NECAB1: variants seen among roughly 807,000 people sequenced by gnomAD.
NECAB1 encodes N-terminal EF-hand calcium-binding protein 1.
Under a neutral mutation model 57.5 loss-of-function variants are expected in NECAB1, and 29 were observed. The ratio of observed to expected loss-of-function variants is 0.50; its 90% CI spans 0.38 to 0.69. The LOEUF (loss-of-function observed/expected upper bound fraction) is 0.69, where lower values mean the gene tolerates loss of function less well. Ranked by LOEUF, NECAB1 falls within the 30% of genes least tolerant of loss-of-function variation. NECAB1 has a pLI of 0.00. For synonymous variants in NECAB1, 142 were observed against 147.7 expected (o/e 0.96, Z 0.28); for missense variants, 372 against 413.8 (o/e 0.90, Z 0.88).
At chr8:90,894,142 G>A (rs1027124156) in intron 5 of NECAB1, among the ~76,000 whole-genome samples, 2 of 152,048 alleles carry the variant, frequency 1.3e-5, no homozygotes, top group Non-Finnish European at 2.9e-5. Context: ...ATATAAAGTG[G>A]ACAAATAACA....
intron 3 of NECAB1, among the ~76,000 whole-genome samples, chr8:90,837,004 C>G (rs988318465): frequency 1.6e-4 from 25 of 152,220 alleles, no homozygotes; most frequent in African/African-American, 6.0e-4. Flanking sequence ...TTGTCTTTAA[C>G]TCAGGATCTT....
chr8:90,882,275 T>C (rs1808856865), intron 5 of NECAB1, among the ~76,000 whole-genome samples: 1 of 152,098 alleles, frequency 6.6e-6, no homozygotes, highest in African/African-American at 2.4e-5. Context: ...ATGTTGATAT[T>C]TGGAAAACAA....
At chr8:90,818,206 G>A (rs1238563593) in intron 2 of NECAB1, among the ~76,000 whole-genome samples, 1 of 151,684 alleles carries the variant, frequency 6.6e-6, no homozygotes, top group Non-Finnish European at 1.5e-5. Flanking sequence ...CTGATTAGAG[G>A]TTTATCAAGT....
chr8:90,860,875 T>A (rs532762333), intron 3 of NECAB1, among the ~76,000 whole-genome samples: 2 of 151,984 alleles, frequency 1.3e-5, no homozygotes, highest in African/African-American at 4.8e-5. Context: ...ATATTCCCCC[T>A]AGTTTTAGGG....
chr8:90,906,876 CATATATATATATATATATAT>C (rs57808023), intron 5 of NECAB1, among the ~76,000 whole-genome samples: 3 of 121,764 alleles, frequency 2.5e-5, no homozygotes, highest in East Asian at 4.3e-4. Flanking sequence ...ATGATATACA[CATATATATATATATATATAT>C]ATATATATAT....
At chr8:90,906,231 T>C (rs1341882410) in intron 5 of NECAB1, among the ~76,000 whole-genome samples, 7 of 152,142 alleles carry the variant, frequency 4.6e-5, no homozygotes, top group Non-Finnish European at 1.5e-5. Context: ...GTTTTGGGCT[T>C]CCCTGAATAT....
rs1811024773 is a variant in NECAB1 at position 90,956,008 on chromosome 8, G to A, written c.*496G>A. 1 of 152,282 alleles carries A rather than the reference G, an allele frequency of 6.6e-6. No individual in the cohort carries two copies. The highest frequency in any genetic ancestry group is 1.5e-5 in the Non-Finnish European group (1 of 68,170). 9.4% of individuals were successfully genotyped at this position (152,282 alleles called of 1,614,324 possible). A position where few individuals can be genotyped will look rare whatever the true frequency, so the allele number is the denominator to read the frequency against. On this transcript the variant is annotated 3_prime_UTR_variant, in exon 13 of 13. Transcript: ENST00000417640. ...TACTCCATCCCCAACCCAACTCACAGCCCTATGACTACTATCTTTGCATTA... is the reference window on the plus strand; with the variant it reads ...TACTCCATCCCCAACCCAACTCACAACCCTATGACTACTATCTTTGCATTA...
intron 10 of NECAB1, among the ~76,000 whole-genome samples, chr8:90,944,815 T>C (rs1000649652): frequency 6.6e-6 from 1 of 152,224 alleles, no homozygotes; most frequent in African/African-American, 2.4e-5. Context: ...CTAAGGAATA[T>C]GAATGTAGGA....
At chr8:90,938,386 C>CTT (rs1188363460) in intron 9 of NECAB1, among the ~76,000 whole-genome samples, 15 of 152,216 alleles carry the variant, frequency 9.9e-5, no homozygotes, top group African/African-American at 2.9e-4. Flanking sequence ...CTAACTATAT[C>CTT]TTGGGATCCC....
intron 5 of NECAB1, among the ~76,000 whole-genome samples, chr8:90,907,065 T>C (rs1428241618): frequency 6.7e-6 from 1 of 150,210 alleles, no homozygotes. Flanking sequence ...TCCCATATCA[T>C]ATATATTTTT....
intron 5 of NECAB1, among the ~76,000 whole-genome samples, chr8:90,906,901 A>ATATATG (rs1809688206): frequency 7.2e-6 from 1 of 139,310 alleles, no homozygotes; most frequent in African/African-American, 2.9e-5. Context: ...ATATATATAT[A>ATATATG]TATATATATC....
At chr8:90,846,352 A>C (rs1186807352) in intron 3 of NECAB1, among the ~76,000 whole-genome samples, 1 of 152,258 alleles carries the variant, frequency 6.6e-6, no homozygotes, top group Non-Finnish European at 1.5e-5. Flanking sequence ...TGCTTAAAGC[A>C]GCTCTTGATA....
rs542930624 is a variant in NECAB1 at position 90,839,600 on chromosome 8, TAAG to T, written c.233+14780_233+14782del. ...TCTTAGAGAAGCCATACAGTTTTAC[TAAG>T]AAGAGGTATGAATAAGGATGGAGAT... On this transcript the variant is annotated intron_variant, in intron 3 of 12. Coordinates refer to ENST00000417640, the MANE Select transcript of NECAB1 (RefSeq NM_022351.5). 3.5e-3 allele frequency among the ~76,000 whole-genome samples: 530 copies of T among 152,244 alleles called. 1 individual carries two copies. Among genetic ancestry groups the T allele is most frequent in the African/African-American group, 9.2e-3 (381 of 41,542 alleles).
chr8:90,860,666 T>C (rs900671791), intron 3 of NECAB1, among the ~76,000 whole-genome samples: 15 of 152,176 alleles, frequency 9.9e-5, no homozygotes, highest in African/African-American at 3.6e-4. Context: ...AGATTCTCAG[T>C]ATCAACATTG....
intron 6 of NECAB1, among the ~76,000 whole-genome samples, chr8:90,923,278 T>C (rs1810172352): frequency 6.6e-6 from 1 of 152,170 alleles, no homozygotes; most frequent in East Asian, 1.9e-4. Flanking sequence ...GCACAGCTGA[T>C]AGGACACAAT....
intron 5 of NECAB1, among the ~76,000 whole-genome samples, chr8:90,886,727 G>A (rs182013528): frequency 6.6e-5 from 10 of 151,922 alleles, no homozygotes; most frequent in South Asian, 6.2e-4. Context: ...TTAGTTTGCC[G>A]TGTTTGCATA....
chr8:90,853,229 A>G (rs1437857430), intron 3 of NECAB1, among the ~76,000 whole-genome samples: 1 of 152,246 alleles, frequency 6.6e-6, no homozygotes, highest in Non-Finnish European at 1.5e-5. Context: ...CTGCCAGTGC[A>G]GAAGCAGCCA....
Position 90,957,820 on chromosome 8 carries a change from A to C in NECAB1, c.*2308A>C, listed in dbSNP as rs969145923. ...AAAACCCCATTTTCCTAAAGAACAA[A>C]GTAGTAAAATAAAAAAAAATTTAAA... On this transcript the variant is annotated 3_prime_UTR_variant, in exon 13 of 13. Transcript: ENST00000417640. 6.6e-6 allele frequency: 1 copy of C among 150,738 alleles called. No homozygotes were observed. The highest frequency in any genetic ancestry group is 2.4e-5 in the African/African-American group (1 of 41,350). 9.3% of individuals were successfully genotyped at this position (150,738 alleles called of 1,614,324 possible).
chr8:90,884,113 C>T (rs1232767678), intron 5 of NECAB1, among the ~76,000 whole-genome samples: 3 of 152,060 alleles, frequency 2.0e-5, no homozygotes, highest in Non-Finnish European at 2.9e-5. Flanking sequence ...TGAAATTTTC[C>T]AAAATTAAAA....
Sources: allele counts gnomAD v4.1 joint callset (sites outside exome capture counted in the v4.1 genomes callset), GRCh38; gene constraint gnomAD v4.1.1; transcripts MANE v1.5; gene names NCBI Gene and HGNC (gene_info 2026-07-23, HGNC 2026-07-21).